NXPH2: variants seen among roughly 807,000 people sequenced by gnomAD.
The protein encoded by NXPH2 is neurexophilin 2.
NXPH2 carries 5 observed loss-of-function variants against 19.8 expected under a neutral mutation model. That is an observed-to-expected ratio of 0.25 (90% confidence interval 0.13 to 0.53). The LOEUF (loss-of-function observed/expected upper bound fraction) is 0.53. NXPH2 is among the 20% of genes least tolerant of loss of function. The pLI is 0.96. For synonymous variants in NXPH2, 154 were observed against 127.4 expected, an observed-to-expected ratio of 1.21 and a Z score of -1.41; for missense variants, 289 against 322.8, an observed-to-expected ratio of 0.90 and a Z score of 0.80.
At position 138,710,475 on chromosome 2, in the gene NXPH2, G is replaced by A. The variant is rs546367619; in HGVS notation, c.52-38810C>T. ...GGTAATTCTATGTTTAGCTCTTAGA[G>A]AAACCGCCAAACTTTTTTTCAGCAA... On this transcript the variant is annotated intron_variant, in intron 1 of 1. Coordinates refer to ENST00000272641, the MANE Select transcript of NXPH2 (RefSeq NM_007226.3). 1.2e-3 allele frequency among the ~76,000 whole-genome samples: 185 copies of A among 152,218 alleles called. 1 individual carries two copies. Among genetic ancestry groups the A allele is most frequent in the Non-Finnish European group, 1.5e-3 (103 of 68,020 alleles).
chr2:138,720,044 T>C (rs1277012352), intron 1 of NXPH2, among the ~76,000 whole-genome samples: 1 of 152,006 alleles, frequency 6.6e-6, no homozygotes, highest in African/African-American at 2.4e-5. Context: ...TATTTTTCCA[T>C]ATGAACTTTC....
At chr2:138,771,341 T>C (rs1682171239) in intron 1 of NXPH2, among the ~76,000 whole-genome samples, 1 of 152,110 alleles carries the variant, frequency 6.6e-6, no homozygotes, top group African/African-American at 2.4e-5. Flanking sequence ...GATATAATTA[T>C]TATAAAAGCA....
At chr2:138,681,256 A>G (rs1435288413) in intron 1 of NXPH2, among the ~76,000 whole-genome samples, 1 of 152,244 alleles carries the variant, frequency 6.6e-6, no homozygotes, top group Non-Finnish European at 1.5e-5. Flanking sequence ...TGTTAAAAAT[A>G]TGCTAACAGA....
At chr2:138,743,265 A>T (rs1447313963) in intron 1 of NXPH2, among the ~76,000 whole-genome samples, 1 of 152,152 alleles carries the variant, frequency 6.6e-6, no homozygotes, top group Non-Finnish European at 1.5e-5. Flanking sequence ...TAGTAAAAAA[A>T]AAGACTGAAA....
At chr2:138,768,868 A>G (rs1682131962) in intron 1 of NXPH2, among the ~76,000 whole-genome samples, 2 of 152,238 alleles carry the variant, frequency 1.3e-5, no homozygotes, top group Admixed American at 6.5e-5. Context: ...GGAAAGAAAC[A>G]GATTTAGTAG....
intron 1 of NXPH2, among the ~76,000 whole-genome samples, chr2:138,712,666 C>A (rs1197355001): frequency 6.6e-6 from 1 of 152,190 alleles, no homozygotes; most frequent in African/African-American, 2.4e-5. Context: ...ATGCTTCCTT[C>A]CCCTCACCCC....
chr2:138,690,634 C>T (rs1452577803), intron 1 of NXPH2, among the ~76,000 whole-genome samples: 1 of 151,480 alleles, frequency 6.6e-6, no homozygotes, highest in Non-Finnish European at 1.5e-5. Context: ...TCTCTTAAGA[C>T]ACATTAATGT....
intron 1 of NXPH2, among the ~76,000 whole-genome samples, chr2:138,719,825 C>G (rs1681249017): frequency 6.6e-6 from 1 of 152,102 alleles, no homozygotes; most frequent in South Asian, 2.1e-4. Context: ...AATGGAAACA[C>G]TCTCATTTTC....
At chr2:138,699,537 A>G (rs1012941364) in intron 1 of NXPH2, among the ~76,000 whole-genome samples, 1 of 152,082 alleles carries the variant, frequency 6.6e-6, no homozygotes, top group Non-Finnish European at 1.5e-5. Flanking sequence ...CATCCGGCAC[A>G]CGGGATGGTA....
chr2:138,697,738 A>G (rs1226460674), intron 1 of NXPH2, among the ~76,000 whole-genome samples: 1 of 151,910 alleles, frequency 6.6e-6, no homozygotes, highest in Non-Finnish European at 1.5e-5. Flanking sequence ...GTTTGAGAAA[A>G]ACAAAATAAA....
chr2:138,764,242 C>T (rs1682059384), intron 1 of NXPH2, among the ~76,000 whole-genome samples: 1 of 152,124 alleles, frequency 6.6e-6, no homozygotes, highest in Non-Finnish European at 1.5e-5. Flanking sequence ...TTATATTCCA[C>T]CCTCCAAAAG....
intron 1 of NXPH2, among the ~76,000 whole-genome samples, chr2:138,767,613 T>C (rs1263807053): frequency 6.6e-6 from 1 of 152,242 alleles, no homozygotes; most frequent in Non-Finnish European, 1.5e-5. Context: ...TGACTATTGA[T>C]TCAATATCTC....
chr2:138,748,504 G>A (rs959147421), intron 1 of NXPH2, among the ~76,000 whole-genome samples: 8 of 152,148 alleles, frequency 5.3e-5, no homozygotes, highest in Non-Finnish European at 8.8e-5. Flanking sequence ...TGCAAAAAAT[G>A]TGGTAGTGCC....
rs1680462054 is a variant in NXPH2, at chr2:138,674,826, A to T, written c.52-3161T>A. 5.9e-5 allele frequency among the ~76,000 whole-genome samples: 9 copies of T among 152,346 alleles called. No homozygotes were observed. The South Asian group carries it at 1.9e-3, about 32-fold the overall frequency. ...TGTGATCATGATTCTTGCTGCCCATAGTCTACTACCTATTTTTCACCTGTT... is the reference window on the plus strand; with the variant it reads ...TGTGATCATGATTCTTGCTGCCCATTGTCTACTACCTATTTTTCACCTGTT... On this transcript the variant is annotated intron_variant, in intron 1 of 1. Transcript: ENST00000272641.
At chr2:138,722,981 T>C (rs926740352) in intron 1 of NXPH2, among the ~76,000 whole-genome samples, 2 of 152,228 alleles carry the variant, frequency 1.3e-5, no homozygotes, top group Non-Finnish European at 2.9e-5. Flanking sequence ...TGTGTCCTTG[T>C]CTACTTGTTT....
chr2:138,677,134 G>A (rs1164962095), intron 1 of NXPH2, among the ~76,000 whole-genome samples: 3 of 152,178 alleles, frequency 2.0e-5, no homozygotes, highest in African/African-American at 4.8e-5. Flanking sequence ...AGGCAAGATT[G>A]TTAAATGTTA....
At chr2:138,715,514 T>C (rs994316044) in intron 1 of NXPH2, among the ~76,000 whole-genome samples, 8 of 152,104 alleles carry the variant, frequency 5.3e-5, no homozygotes, top group African/African-American at 1.9e-4. Context: ...CTTATCAGGG[T>C]AAATAAACCA....
intron 1 of NXPH2, among the ~76,000 whole-genome samples, chr2:138,672,493 A>G (rs558797113): frequency 6.6e-6 from 1 of 152,312 alleles, no homozygotes; most frequent in Admixed American, 6.5e-5. Context: ...TTCTTTGTAT[A>G]GTGTAAGAGT....
chr2:138,735,460 C>T (rs1247736359), intron 1 of NXPH2, among the ~76,000 whole-genome samples: 1 of 152,084 alleles, frequency 6.6e-6, no homozygotes, highest in Non-Finnish European at 1.5e-5. Flanking sequence ...ATAAAACCAT[C>T]AGAACTCATG....
Sources: allele counts gnomAD v4.1 joint callset (sites outside exome capture counted in the v4.1 genomes callset), GRCh38; gene constraint gnomAD v4.1.1; transcripts MANE v1.5; gene names NCBI Gene and HGNC (gene_info 2026-07-23, HGNC 2026-07-21).